Variants in ECT2 observed in about 807,000 individuals in gnomAD.
ECT2 encodes epithelial cell transforming 2, also known as protein ECT2.
Under a neutral mutation model 116.9 loss-of-function variants are expected in ECT2, and 61 were observed. That is an observed-to-expected ratio of 0.52 (90% CI 0.42 to 0.65). The LOEUF (loss-of-function observed/expected upper bound fraction) is 0.65. Ranked by LOEUF, ECT2 falls within the 30% of genes least tolerant of loss-of-function variation. ECT2 has a pLI of 0.00. For missense variants in ECT2, 937 were observed against 1,078.7 expected (o/e 0.87, Z 1.84); for synonymous variants, 358 against 346.4 (o/e 1.03, Z -0.37).
intron 14 of ECT2, 25 bp from the exon 15 acceptor site, chr3:172,782,138 A>T: frequency 6.9e-7 from 1 of 1,455,020 alleles, no homozygotes; most frequent in East Asian, 2.4e-5. Flanking sequence ...TTTAATTTTA[A>T]ATATTTCAAT....
At chr3:172,784,530 G>A (rs543241767) in intron 16 of ECT2, among the ~76,000 whole-genome samples, 177 bp from the exon 17 acceptor site, 75 of 152,276 alleles carry the variant, frequency 4.9e-4, no homozygotes, top group African/African-American at 1.5e-3. Context: ...GGCTGGCCAA[G>A]AGGACATTTC....
At chr3:172,783,709 T>C in intron 15 of ECT2, 90 bp from the exon 16 acceptor site, 1 of 801,758 alleles carries the variant, frequency 1.2e-6, no homozygotes, top group Non-Finnish European at 2.1e-6. Context: ...TATGTCAGAT[T>C]GTGACTACTA....
intron 14 of ECT2, 72 bp from the exon 15 acceptor site, chr3:172,782,091 C>T: frequency 1.2e-6 from 1 of 866,804 alleles, no homozygotes; most frequent in East Asian, 2.8e-5. Flanking sequence ...CAATGAGTAT[C>T]TCAGAAATAA....
intron 21 of ECT2, among the ~76,000 whole-genome samples, chr3:172,807,171 C>A (rs1452349534): frequency 6.6e-6 from 1 of 152,122 alleles, no homozygotes; most frequent in Admixed American, 6.5e-5. Flanking sequence ...TACTGTAAGT[C>A]ATTTCTAGGT....
At chr3:172,753,027 A>G (rs78411304) in intron 1 of ECT2, among the ~76,000 whole-genome samples, 113 of 152,332 alleles carry the variant, frequency 7.4e-4, no homozygotes, top group Non-Finnish European at 1.3e-3. Context: ...GGTCCTCTGT[A>G]TATTTGCCTA....
intron 18 of ECT2, among the ~76,000 whole-genome samples, chr3:172,797,018 C>CTGTGTGTGTGTGTGTG (rs57188529): frequency 0.022 from 3,103 of 139,078 alleles, 47 homozygotes; most frequent in East Asian, 0.026. Context: ...TCAGGTTCAA[C>CTGTGTGTGTGTGTGTG]TGTGTGTGTG....
At chr3:172,778,958 T>G (rs1368943499) in intron 14 of ECT2, among the ~76,000 whole-genome samples, 3 of 152,208 alleles carry the variant, frequency 2.0e-5, no homozygotes, top group Non-Finnish European at 4.4e-5. Context: ...CAGAGCAGAC[T>G]ATATTTCAGA....
At chr3:172,763,657 T>A (rs918529329) in intron 11 of ECT2, among the ~76,000 whole-genome samples, 2 of 152,168 alleles carry the variant, frequency 1.3e-5, no homozygotes, top group African/African-American at 4.8e-5. Flanking sequence ...GAAAATCTAG[T>A]GTTTATGGTG....
At chr3:172,815,458 T>G in intron 22 of ECT2, 146 bp from the exon 23 acceptor site, 1 of 550,064 alleles carries the variant, frequency 1.8e-6, no homozygotes, top group Non-Finnish European at 3.2e-6. Context: ...AGTCAGTACA[T>G]TTCAGGGTAG....
chr3:172,769,015 A>G lies in ECT2; in HGVS notation c.1300A>G (p.Lys434Glu). The G allele has an allele frequency of 1.2e-6, 2 of 1,608,604 alleles. No individual in the cohort carries two copies. The highest frequency in any genetic ancestry group is 1.7e-6 in the Non-Finnish European group (2 of 1,177,592). The stretch of plus-strand genomic sequence containing the variant: ...ACCTTTTAACGTTTCAGACACCCCA[A>G]AGTCTTGTACTAAGTCTTCTAAAAG... ...ESSINYGDTPKSCTKSSKSST... is the reference protein window; with the variant it reads ...ESSINYGDTPESCTKSSKSST... The change falls in exon 13 of 25, where the codon AAG becomes GAG. Residue 434 changes from lysine to glutamate, a missense_variant. Transcript: ENST00000392692.
chr3:172,754,768 G>C lies in ECT2; in HGVS notation c.130+108G>C, dbSNP rs560062224. The C allele has an allele frequency of 1.1e-4, 81 of 769,990 alleles. 1 individual carries two copies. The South Asian group carries it at 1.9e-3, about 18-fold the overall frequency. The allele number at this position is 769,990 out of a possible 1,614,324, so 47.7% of individuals were successfully genotyped here. ...ATACCAACTGTAATGCTAGAGCACAGGTATTAAGTAAATATTTGTTTACAG... is the reference window on the plus strand; with the variant it reads ...ATACCAACTGTAATGCTAGAGCACACGTATTAAGTAAATATTTGTTTACAG... On this transcript the variant is annotated intron_variant, in intron 2 of 24. Coordinates refer to ENST00000392692, the MANE Select transcript of ECT2 (RefSeq NM_001258315.2).
downstream of ECT2, chr3:172,821,621 G>C (rs1027814750): frequency 6.6e-6 from 1 of 151,738 alleles, no homozygotes; most frequent in Non-Finnish European, 1.5e-5. Context: ...ATTTTACGAG[G>C]CTATCTGTAA....
At position 172,757,516 on chromosome 3, in the gene ECT2, C is replaced by T. The variant is rs1717259041; in HGVS notation, c.486+351C>T. Among the ~76,000 whole-genome samples, 3 of 149,678 alleles carry T rather than the reference C, an allele frequency of 2.0e-5. No homozygotes were observed. The South Asian group carries it at 6.5e-4, about 32-fold the overall frequency. ...CTGCAAGCTCCGCCTCCTGGGTTCA[C>T]GCCATTCTCCTGCCTCAGCCTCCCC... On this transcript the variant is annotated intron_variant, in intron 5 of 24. Coordinates refer to ENST00000392692, the MANE Select transcript of ECT2 (RefSeq NM_001258315.2).
At position 172,761,693 on chromosome 3, in the gene ECT2, T is replaced by A. The variant is rs760519136; in HGVS notation, c.758+10T>A. 17 of 1,581,176 alleles carry A rather than the reference T, an allele frequency of 1.1e-5. No individual in the cohort carries two copies. In the South Asian group the frequency reaches 1.9e-4, roughly 18 times the overall value. Reference sequence around the variant, plus strand: ...AAAGGCGGAATGAACAGTAAGTGTTTAGAAACTCAGTAGTTCATTATGTAA... The same window carrying A: ...AAAGGCGGAATGAACAGTAAGTGTTAAGAAACTCAGTAGTTCATTATGTAA... On this transcript the variant is annotated intron_variant, in intron 8 of 24. Coordinates refer to ENST00000392692, the MANE Select transcript of ECT2 (RefSeq NM_001258315.2).
At chr3:172,828,639 G>A in the ECT2 span, 849 of 185,322 alleles carry the variant, frequency 4.6e-3, 4 homozygotes, top group Non-Finnish European at 6.4e-3. Context: ...TTTTAGAAAC[G>A]TTGTGTTTAA....
intron 18 of ECT2, among the ~76,000 whole-genome samples, chr3:172,792,719 CT>C (rs946445067): frequency 6.7e-5 from 10 of 150,178 alleles, no homozygotes; most frequent in African/African-American, 1.2e-4. Context: ...TAGGTTTTTC[CT>C]TTTTTTTTGG....
At chr3:172,810,049 A>C (rs936416506) in intron 22 of ECT2, among the ~76,000 whole-genome samples, 1 of 152,146 alleles carries the variant, frequency 6.6e-6, no homozygotes, top group African/African-American at 2.4e-5. Flanking sequence ...CCAACATGTA[A>C]CCTTTAATTG....
chr3:172,801,229 C>A (rs1048269243), intron 18 of ECT2, among the ~76,000 whole-genome samples: 4 of 151,736 alleles, frequency 2.6e-5, no homozygotes, highest in African/African-American at 9.7e-5. Flanking sequence ...TTTTTGTATT[C>A]TTAAAAATGT....
At chr3:172,802,780 A>G in intron 19 of ECT2, 81 bp from the exon 20 acceptor site, 1 of 1,517,424 alleles carries the variant, frequency 6.6e-7, no homozygotes, top group Non-Finnish European at 8.9e-7. Flanking sequence ...ATATCTTGGC[A>G]CTACTTTCTT....
Sources: gnomAD v4.1 joint callset for allele counts (sites outside exome capture counted in the v4.1 genomes callset) on GRCh38, gnomAD v4.1.1 for gene constraint, MANE v1.5 for transcripts, NCBI Gene and HGNC (gene_info 2026-07-23, HGNC 2026-07-21) for gene names.